NHSL1: variants seen among roughly 807,000 people sequenced by gnomAD.
NHSL1 encodes NHS-like protein 1.
In NHSL1, 48 loss-of-function variants were observed where a neutral mutation model predicts 95.0. The observed-to-expected ratio is 0.51, with a 90% CI of 0.40 to 0.64. The LOEUF is 0.64. Among genes scored for constraint, NHSL1 ranks in the 30% least tolerant of loss-of-function variants. NHSL1 has a pLI of 0.00. For missense variants in NHSL1, 1,971 were observed against 2,077.7 expected (o/e 0.95, Z 1.00); for synonymous variants, 783 against 833.9 (o/e 0.94, Z 1.05).
At chr6:138,574,865 A>G (rs1014111433), upstream of NHSL1, among the ~76,000 whole-genome samples, 5 of 151,908 alleles carry the variant, frequency 3.3e-5, no homozygotes, top group Non-Finnish European at 7.4e-5. Flanking sequence ...AGAAATAAAT[A>G]AAAATAAAAA....
In NHSL1 at chr6:138,578,935, CACCAGGG is replaced by C. The variant is rs199524473; in HGVS notation, c.97-82571_97-82565del. ...CAGCAGTGGTCCCCAGCCTTTCTGG[CACCAGGG>C]ACCAGTTTCATGGAGGACCATTTTT... is the stretch of plus-strand genomic sequence containing the variant. On this transcript the variant is annotated intron_variant, in intron 1 of 3. Transcript: ENST00000491526. 7.4e-4 allele frequency among the ~76,000 whole-genome samples: 113 copies of C among 152,334 alleles called. No homozygotes were observed. In the East Asian group the frequency reaches 0.02, roughly 27 times the overall value.
chr6:138,519,982 A>G (rs1458476995), intron 1 of NHSL1, among the ~76,000 whole-genome samples: 2 of 152,164 alleles, frequency 1.3e-5, no homozygotes, highest in African/African-American at 4.8e-5. Context: ...GCTGCCTTCA[A>G]TCCTTTCTGA....
chr6:138,578,082 A>C (rs1165132983), intron 1 of NHSL1, among the ~76,000 whole-genome samples: 1 of 152,222 alleles, frequency 6.6e-6, no homozygotes, highest in Non-Finnish European at 1.5e-5. Context: ...AAAAGAAGGA[A>C]AAGCACTGAC....
chr6:138,463,739 T>C lies in NHSL1; in HGVS notation c.339+9567A>G, dbSNP rs971591634. ...CCCCGGTGTGTGATGTTCCCCTCCC[T>C]GTGTCCATGTGTTCTCACTGCTCAA... On this transcript the variant is annotated intron_variant, in intron 3 of 7. Coordinates refer to ENST00000343505, the MANE Select transcript of NHSL1 (RefSeq NM_001144060.2). 2.0e-5 allele frequency among the ~76,000 whole-genome samples: 3 copies of C among 151,960 alleles called. No individual in the cohort carries two copies. In the East Asian group the frequency reaches 5.8e-4, roughly 30 times the overall value.
intron 2 of NHSL1, among the ~76,000 whole-genome samples, chr6:138,480,659 T>C (rs373331103): frequency 6.6e-6 from 1 of 152,220 alleles, no homozygotes; most frequent in Non-Finnish European, 1.5e-5. Context: ...TTTAATAGCA[T>C]TGAATCTTTT....
intron 1 of NHSL1, among the ~76,000 whole-genome samples, chr6:138,582,855 G>A (rs574438590): frequency 1.3e-5 from 2 of 152,214 alleles, no homozygotes; most frequent in East Asian, 3.9e-4. Flanking sequence ...CTTCTGCCGG[G>A]AGCTGTCTCC....
intron 3 of NHSL1, among the ~76,000 whole-genome samples, chr6:138,471,948 G>A (rs1281477576): frequency 1.3e-5 from 2 of 151,592 alleles, no homozygotes; most frequent in African/African-American, 4.9e-5. Context: ...GGAGGCTGAG[G>A]TGGGCAGATC....
chr6:138,491,889 T>A (rs1780098792), intron 2 of NHSL1, among the ~76,000 whole-genome samples: 1 of 152,168 alleles, frequency 6.6e-6, no homozygotes, highest in Non-Finnish European at 1.5e-5. Flanking sequence ...CCTTTGAGCA[T>A]CATGTCAGTG....
At chr6:138,683,909 A>G (rs1785545764) in intron 1 of NHSL1, among the ~76,000 whole-genome samples, 1 of 152,228 alleles carries the variant, frequency 6.6e-6, no homozygotes, top group Non-Finnish European at 1.5e-5. Context: ...ATCATCAGGC[A>G]ATACAAAACC....
chr6:138,653,025 T>C (rs1785112591), intron 1 of NHSL1, among the ~76,000 whole-genome samples: 1 of 152,180 alleles, frequency 6.6e-6, no homozygotes, highest in Non-Finnish European at 1.5e-5. Flanking sequence ...GCTGTTGAAA[T>C]TCAAGGATTT....
chr6:138,636,921 T>C (rs2114673699), intron 1 of NHSL1, among the ~76,000 whole-genome samples: 1 of 152,266 alleles, frequency 6.6e-6, no homozygotes, highest in East Asian at 1.9e-4. Flanking sequence ...TCCTAAAATT[T>C]ATATGGAACC....
chr6:138,551,574 T>C (rs1783004514), intron 1 of NHSL1, among the ~76,000 whole-genome samples: 2 of 152,228 alleles, frequency 1.3e-5, no homozygotes, highest in South Asian at 2.1e-4. Context: ...TATTCTACAA[T>C]ACTTCTAGTT....
At chr6:138,615,927 T>C (rs774586097) in intron 1 of NHSL1, among the ~76,000 whole-genome samples, 1 of 152,232 alleles carries the variant, frequency 6.6e-6, no homozygotes, top group Non-Finnish European at 1.5e-5. Context: ...CAGGCGCTTA[T>C]GTCTGTAGTC....
chr6:138,542,686 C>G (rs1430478517), intron 1 of NHSL1, among the ~76,000 whole-genome samples: 1 of 152,194 alleles, frequency 6.6e-6, no homozygotes, highest in Non-Finnish European at 1.5e-5. Context: ...AATCTACATT[C>G]AGAACTATTT....
chr6:138,624,152 G>A (rs1305957488), intron 1 of NHSL1, among the ~76,000 whole-genome samples: 1 of 152,140 alleles, frequency 6.6e-6, no homozygotes, highest in Non-Finnish European at 1.5e-5. Flanking sequence ...TGATTGATTG[G>A]CTGAGAAGAG....
At chr6:138,582,519 G>A (rs72975270) in intron 1 of NHSL1, among the ~76,000 whole-genome samples, 7,427 of 152,246 alleles carry the variant, frequency 0.049, 184 homozygotes, top group Middle Eastern at 0.11. Context: ...TTTTGGTAGT[G>A]TAGATGTATT....
chr6:138,431,775 T>G lies in NHSL1; in HGVS notation c.2570A>C (p.Asn857Thr), dbSNP rs769096996. The G allele has an allele frequency of 3.9e-6, 6 of 1,551,706 alleles. No individual in the cohort carries two copies. The highest frequency in any genetic ancestry group is 5.2e-6 in the Non-Finnish European group (6 of 1,146,958). The part of the protein sequence containing the change: ...SPSSGYSSQS[N>T]TPTALTPVPV... ...CACAGGGGTGAGTGCTGTGGGTGTA[T>G]TCGACTGGCTGGAATACCCACTGGA... The change falls in exon 6 of 8, where the codon AAT (asparagine) becomes ACT (threonine). Residue 857 changes from asparagine (N) to threonine (T), a missense_variant. Physicochemically the swap from Asn to Thr is moderately conservative, Grantham distance 65. Coordinates refer to ENST00000343505, the MANE Select transcript of NHSL1 (RefSeq NM_001144060.2). This position sits in a 1 kb window ranked among gnomAD's most constrained non-coding sequence, Gnocchi z 4.0.
intron 1 of NHSL1, among the ~76,000 whole-genome samples, chr6:138,616,094 A>G (rs1020766875): frequency 6.6e-6 from 1 of 152,214 alleles, no homozygotes; most frequent in Non-Finnish European, 1.5e-5. Context: ...AAATTTACCA[A>G]TGTCCCAGAA....
chr6:138,642,171 A>G (rs116093721), intron 1 of NHSL1, among the ~76,000 whole-genome samples: 1,712 of 152,260 alleles, frequency 0.011, 20 homozygotes, highest in African/African-American at 0.039. Context: ...ACTCTGTTAT[A>G]GAATACCTAA....
Sources: gnomAD v4.1 joint callset for allele counts (sites outside exome capture counted in the v4.1 genomes callset) on GRCh38, gnomAD v4.1.1 for gene constraint, Gnocchi (gnomAD v3.1) non-coding constraint, MANE v1.5 for transcripts, NCBI Gene and HGNC (gene_info 2026-07-23, HGNC 2026-07-21) for gene names.